Variants in DLGAP2 observed in about 807,000 individuals in gnomAD.
DLGAP2 encodes DLG associated protein 2, also known as disks large-associated protein 2.
Under a neutral mutation model 100.3 loss-of-function variants are expected in DLGAP2, and 26 were observed. The ratio of observed to expected loss-of-function variants is 0.26; its 90% CI spans 0.19 to 0.36. DLGAP2 has a LOEUF of 0.36. Ranked by LOEUF, DLGAP2 falls within the 10% of genes least tolerant of loss-of-function variation. DLGAP2 has a pLI of 1.00. For missense variants in DLGAP2, 1,858 were observed against 1,453.2 expected, an observed-to-expected ratio of 1.28 and a Z score of -4.53; for synonymous variants, 886 against 630.1, an observed-to-expected ratio of 1.41 and a Z score of -6.08.
At chr8:781,806 GT>G (rs911901408) in intron 1 of DLGAP2, among the ~76,000 whole-genome samples, 6 of 152,204 alleles carry the variant, frequency 3.9e-5, no homozygotes, top group Non-Finnish European at 7.4e-5. Context: ...GTTTGTTAGA[GT>G]TTTTTTGCAA....
intron 4 of DLGAP2, among the ~76,000 whole-genome samples, chr8:1,527,640 C>G (rs550975553): frequency 1.1e-4 from 17 of 152,140 alleles, no homozygotes; most frequent in African/African-American, 4.1e-4. Context: ...CCTTTTATAA[C>G]CTATCTATGT....
At chr8:813,724 C>T (rs1205846455) in intron 1 of DLGAP2, among the ~76,000 whole-genome samples, 4 of 152,154 alleles carry the variant, frequency 2.6e-5, no homozygotes, top group Non-Finnish European at 5.9e-5. Flanking sequence ...TCCCTCTTTC[C>T]CCAGCTCTGC....
chr8:1,184,988 C>A (rs944528036), intron 2 of DLGAP2, among the ~76,000 whole-genome samples: 1 of 152,086 alleles, frequency 6.6e-6, no homozygotes, highest in African/African-American at 2.4e-5. Context: ...GACTTTAGAG[C>A]AGGAGTGTGG....
intron 2 of DLGAP2, among the ~76,000 whole-genome samples, chr8:1,203,575 T>G (rs1413362857): frequency 6.6e-6 from 1 of 152,240 alleles, no homozygotes; most frequent in Non-Finnish European, 1.5e-5. Flanking sequence ...GCAGATTCTC[T>G]ACTCTTCCCT....
At chr8:1,057,218 G>A (rs532842511) in intron 2 of DLGAP2, among the ~76,000 whole-genome samples, 3 of 152,342 alleles carry the variant, frequency 2.0e-5, no homozygotes, top group Admixed American at 2.0e-4. Flanking sequence ...ACACGTAGAA[G>A]TTAGCTGCCT....
Position 1,614,844 on chromosome 8 carries a change from TGCACACACGTGCACAC to T in DLGAP2, c.1443-11887_1443-11872del, listed in dbSNP as rs1489294559. 4.2e-5 allele frequency among the ~76,000 whole-genome samples: 6 copies of T among 142,456 alleles called. No homozygotes were observed. In the South Asian group the frequency reaches 8.3e-4, roughly 20 times the overall value. 93.5% of individuals were successfully genotyped at this position (142,456 alleles called of 152,430 possible). A position where few individuals can be genotyped will look rare whatever the true frequency, so the allele number is the denominator to read the frequency against. ...AGCCCACACACACATGCATTGCACGTGCACACACGTGCACACGCACACACACACACGCATGCCCTCC... is the reference window on the plus strand; with the variant it reads ...AGCCCACACACACATGCATTGCACGTGCACACACACACACGCATGCCCTCC... On this transcript the variant is annotated intron_variant, in intron 6 of 14. Transcript: ENST00000637795.
At chr8:1,649,011 T>G (rs1398006515) in intron 8 of DLGAP2, among the ~76,000 whole-genome samples, 1 of 152,168 alleles carries the variant, frequency 6.6e-6, no homozygotes, top group Admixed American at 6.6e-5. Flanking sequence ...GGATGGCGTC[T>G]GAACACATGT....
intron 3 of DLGAP2, among the ~76,000 whole-genome samples, chr8:1,364,465 G>T (rs143247219): frequency 2.0e-5 from 3 of 150,722 alleles, no homozygotes; most frequent in Non-Finnish European, 3.0e-5. Context: ...AAAGGGCACC[G>T]CTGCGAGAGG....
intron 6 of DLGAP2, among the ~76,000 whole-genome samples, chr8:1,579,183 G>T (rs1400492530): frequency 1.3e-5 from 2 of 151,848 alleles, no homozygotes; most frequent in African/African-American, 2.4e-5. Context: ...GAATGTCTCT[G>T]GGTCATTCTC....
chr8:1,275,254 C>G (rs1392528848), intron 3 of DLGAP2, among the ~76,000 whole-genome samples: 1 of 151,874 alleles, frequency 6.6e-6, no homozygotes, highest in Non-Finnish European at 1.5e-5. Context: ...ATCCCTCAGT[C>G]TACAATTAAG....
chr8:1,042,054 C>A (rs1802370483), intron 2 of DLGAP2, among the ~76,000 whole-genome samples: 1 of 152,198 alleles, frequency 6.6e-6, no homozygotes, highest in Admixed American at 6.5e-5. Context: ...GCAGAACGGC[C>A]AGGGAGTGTC....
chr8:890,689 C>T (rs562375559), intron 1 of DLGAP2, among the ~76,000 whole-genome samples: 2 of 152,222 alleles, frequency 1.3e-5, no homozygotes, highest in African/African-American at 4.8e-5. Flanking sequence ...GCAGAGCCAC[C>T]TGTCCAGATG....
intron 8 of DLGAP2, among the ~76,000 whole-genome samples, chr8:1,661,656 G>C (rs1473574980): frequency 2.0e-5 from 3 of 152,168 alleles, no homozygotes; most frequent in Non-Finnish European, 4.4e-5. Flanking sequence ...GTGGATGTGA[G>C]GTCTTTGGTC....
chr8:1,516,448 A>AGAGT (rs59964182), intron 4 of DLGAP2, among the ~76,000 whole-genome samples: 95,017 of 148,200 alleles, frequency 0.64, 30,747 homozygotes, highest in South Asian at 0.8. Flanking sequence ...ACTGAGGGAA[A>AGAGT]GAGTGACTGA....
intron 2 of DLGAP2, among the ~76,000 whole-genome samples, chr8:1,168,350 A>G (rs976678258): frequency 6.6e-6 from 1 of 151,918 alleles, no homozygotes; most frequent in African/African-American, 2.4e-5. Context: ...ATACGTGTGC[A>G]TGTGTCTTTA....
intron 11 of DLGAP2, 114 bp downstream of exon 11, chr8:1,676,732 C>A (rs560048519): frequency 2.0e-4 from 201 of 1,012,504 alleles, no homozygotes; most frequent in Non-Finnish European, 2.1e-5. Flanking sequence ...CTTGTGGAAA[C>A]AGGGCCATAC....
At chr8:1,313,256 CTTG>C (rs1386985665) in intron 3 of DLGAP2, among the ~76,000 whole-genome samples, 4 of 152,200 alleles carry the variant, frequency 2.6e-5, no homozygotes, top group Non-Finnish European at 5.9e-5. Context: ...TACCTGGAAT[CTTG>C]TTGTTGTTCA....
chr8:1,313,708 G>C (rs1735396908), intron 3 of DLGAP2, among the ~76,000 whole-genome samples: 1 of 152,310 alleles, frequency 6.6e-6, no homozygotes, highest in East Asian at 1.9e-4. Flanking sequence ...CAGGACAAAA[G>C]AGGGTTTCAG....
chr8:1,442,389 G>C (rs1797860243), intron 3 of DLGAP2, among the ~76,000 whole-genome samples: 1 of 151,578 alleles, frequency 6.6e-6, no homozygotes, highest in African/African-American at 2.4e-5. Context: ...CACTGGAGGA[G>C]ACGGATCCGG....
Sources: allele counts gnomAD v4.1 joint callset (sites outside exome capture counted in the v4.1 genomes callset), GRCh38; gene constraint gnomAD v4.1.1; transcripts MANE v1.5; gene names NCBI Gene and HGNC (gene_info 2026-07-23, HGNC 2026-07-21).